MYH7B: variants seen among roughly 807,000 people sequenced by gnomAD.
MYH7B encodes myosin heavy chain 7B.
A neutral mutation model predicts 234.5 loss-of-function variants in MYH7B; 205 were observed. The ratio of observed to expected loss-of-function variants is 0.87; its 90% CI spans 0.78 to 0.98. The LOEUF (loss-of-function observed/expected upper bound fraction) is 0.98, where lower values mean the gene tolerates loss of function less well. Among genes scored for constraint, MYH7B ranks in the 50% least tolerant of loss-of-function variants. MYH7B has a pLI of 0.00. For missense variants in MYH7B, 2,652 were observed against 2,633.4 expected (o/e 1.01, Z -0.15); for synonymous variants, 1,193 against 1,105.0 (o/e 1.08, Z -1.58).
chr20:34,972,403 C>T (rs1011344760), intron 2 of MYH7B, among the ~76,000 whole-genome samples: 4 of 152,042 alleles, frequency 2.6e-5, no homozygotes, highest in Non-Finnish European at 5.9e-5. Context: ...CTGGTCTCAC[C>T]TTCAGTATCG....
intron 2 of MYH7B, among the ~76,000 whole-genome samples, chr20:34,970,607 T>C (rs1032942092): frequency 2.6e-5 from 4 of 152,112 alleles, no homozygotes; most frequent in African/African-American, 9.7e-5. Flanking sequence ...TTGGAAACAA[T>C]TGAAGGACAA....
At chr20:34,999,577 T>C in exon 37 of MYH7B, 1 of 1,606,328 alleles carries the variant, frequency 6.2e-7, no homozygotes, top group Non-Finnish European at 8.5e-7. Context: ...GCAGAGGAGA[T>C]CAGCGACCTC....
rs576855322 is a variant in MYH7B at position 34,982,340 on chromosome 20, T to TG, written c.528-114dup. ...ACACCTCTGAGGGTTGATCCATCCT[T>TG]GGGGGTTTCAAGCTGGGGGGAAGGA... is the stretch of plus-strand genomic sequence containing the variant. On this transcript the variant is annotated intron_variant, in intron 9 of 44. Transcript: ENST00000262873. 137 of 786,874 alleles carry TG rather than the reference T, an allele frequency of 1.7e-4. No homozygotes were observed. In the Middle Eastern group the frequency reaches 2.1e-3, roughly 12 times the overall value. The allele number at this position is 786,874 out of a possible 1,614,324, so 48.7% of individuals were successfully genotyped here. A position where few individuals can be genotyped will look rare whatever the true frequency, so the allele number is the denominator to read the frequency against.
In MYH7B at chr20:34,977,973, C is replaced by T; in HGVS notation, c.-33C>T. ...GGCCGCCTTGAACCTCCAGGGTTTCCAGCTCCTCCTCCTTCACCCCAGTGC... is the reference window on the plus strand; with the variant it reads ...GGCCGCCTTGAACCTCCAGGGTTTCTAGCTCCTCCTCCTTCACCCCAGTGC... On this transcript the variant is annotated 5_prime_UTR_variant, in exon 5 of 45. It introduces an in-frame stop codon into an upstream open reading frame of the 5' UTR. Coordinates refer to ENST00000262873, the Ensembl canonical transcript of MYH7B. 1.2e-6 allele frequency: 2 copies of T among 1,614,034 alleles called. No individual in the cohort carries two copies. The highest frequency in any genetic ancestry group is 1.7e-6 in the Non-Finnish European group (2 of 1,180,026).
chr20:34,959,991 C>T (rs769984285), intron 2 of MYH7B, among the ~76,000 whole-genome samples: 28 of 152,164 alleles, frequency 1.8e-4, no homozygotes, highest in Admixed American at 9.2e-4. Context: ...ATCACAGCAG[C>T]AGTGTCAGCC....
intron 30 of MYH7B, 142 bp downstream of exon 30, chr20:34,996,900 G>A: frequency 4.5e-6 from 6 of 1,346,566 alleles, no homozygotes; most frequent in Non-Finnish European, 6.0e-6. Flanking sequence ...CAGGGGTAGT[G>A]TCTTGCCCTC....
At chr20:34,964,815 G>T (rs1328659596) in intron 2 of MYH7B, among the ~76,000 whole-genome samples, 1 of 152,136 alleles carries the variant, frequency 6.6e-6, no homozygotes, top group Admixed American at 6.5e-5. Context: ...GGTCACAGTG[G>T]CCTAAGTGAC....
At chr20:34,969,392 C>T (rs948108617) in intron 2 of MYH7B, among the ~76,000 whole-genome samples, 1 of 152,168 alleles carries the variant, frequency 6.6e-6, no homozygotes, top group Non-Finnish European at 1.5e-5. Flanking sequence ...GCCTCCCTTC[C>T]CTGGCCCCCA....
Position 34,984,565 on chromosome 20 carries a change from A to G in MYH7B, c.625-127A>G, listed in dbSNP as rs887014260. 7.6e-6 allele frequency: 6 copies of G among 794,132 alleles called. No individual in the cohort carries two copies. In the African/African-American group the frequency reaches 1.1e-4, roughly 14 times the overall value. The allele number at this position is 794,132 out of a possible 1,614,324, so 49.2% of individuals were successfully genotyped here. ...GGCCGAGGGGCTGAGGGTGGGGGCC[A>G]TGCATTCCGGTGACTAACTCCACCC... is the stretch of plus-strand genomic sequence containing the variant. On this transcript the variant is annotated intron_variant, in intron 10 of 44. Coordinates refer to ENST00000262873, the Ensembl canonical transcript of MYH7B.
At chr20:34,994,843 C>G (rs142479882) in intron 27 of MYH7B, among the ~76,000 whole-genome samples, 1 of 152,258 alleles carries the variant, frequency 6.6e-6, no homozygotes, top group Non-Finnish European at 1.5e-5. Context: ...GTGCCAGGCT[C>G]AGGCTAGTGC....
chr20:34,995,749 C>T (rs968162597), intron 28 of MYH7B, among the ~76,000 whole-genome samples, 171 bp downstream of exon 28: 9 of 152,254 alleles, frequency 5.9e-5, no homozygotes, highest in Admixed American at 1.3e-4. Context: ...GTTAGCAGCA[C>T]TTACCCCATT....
rs202185799 is a variant in MYH7B, at chr20:35,000,391, G to A, written c.4880G>A (p.Gly1627Asp). The change falls in exon 39 of 45, where the codon GGT (glycine) becomes GAT (aspartate). Residue 1627 changes from glycine to aspartate, a missense_variant. By Grantham distance (94) the Gly-to-Asp change is moderately conservative. This residue lies in a region of MYH7B where 2,279 missense variants were observed against 2,211.4 expected (regional missense o/e 1.03). Transcript: ENST00000262873. ...CTGCGGCTCAAGAAGAAGATGGAGG[G>A]TGACCTCAACGACCTGGAGCTGCAG... The A allele has an allele frequency of 3.1e-6, 5 of 1,599,884 alleles. No individual in the cohort carries two copies. In the African/African-American group the frequency reaches 4.0e-5, roughly 13 times the overall value.
intron 22 of MYH7B, 150 bp from the exon 23 acceptor site, chr20:34,990,588 C>T: frequency 3.9e-6 from 3 of 778,180 alleles, no homozygotes; most frequent in South Asian, 1.5e-5. Flanking sequence ...TGGGAGACAG[C>T]GAAGGGTCTC....
At chr20:34,977,052 C>T (rs1448525507) in intron 3 of MYH7B, among the ~76,000 whole-genome samples, 9 of 2,078 alleles carry the variant, frequency 4.3e-3, no homozygotes, top group Non-Finnish European at 7.2e-3. Flanking sequence ...TCTCCCCCTA[C>T]CCCTCCCCCC....
chr20:34,957,901 T>A (rs368027479), intron 1 of MYH7B, among the ~76,000 whole-genome samples, 197 bp from the exon 2 acceptor site: 2 of 152,176 alleles, frequency 1.3e-5, no homozygotes, highest in East Asian at 3.8e-4. Context: ...CAGATAGGTG[T>A]CTGGTTATTC....
chr20:35,000,043 G>A (rs540736783), intron 38 of MYH7B, 137 bp downstream of exon 38: 47 of 955,282 alleles, frequency 4.9e-5, no homozygotes, highest in South Asian at 2.2e-4. Flanking sequence ...TGTGAACCTC[G>A]GAGATGCTAA....
rs747181381 is a variant in MYH7B, at chr20:34,980,651, C to T, written c.416C>T (p.Ala139Val). Residue 139 changes from alanine (A) to valine (V), a missense_variant, in exon 8 of 45, where the codon GCT becomes GTT. Physicochemically the swap from Ala to Val is moderately conservative, Grantham distance 64. Around this residue, in one of 3 missense-constraint regions of MYH7B, gnomAD observed 366 missense variants for 401.2 expected, o/e 0.91. Coordinates refer to ENST00000262873, the Ensembl canonical transcript of MYH7B. ...CCAGTCTATACGGCCTCCGTAGTGG[C>T]TGCTTACAAGGGAAAGCGCCGCTCA... The T allele has an allele frequency of 1.2e-6, 2 of 1,614,234 alleles. No homozygotes were observed. Among genetic ancestry groups the T allele is most frequent in the African/African-American group, 2.7e-5 (2 of 75,070 alleles).
chr20:34,984,713 G>T (rs780071337), exon 11 of MYH7B: 1 of 1,605,342 alleles, frequency 6.2e-7, no homozygotes, highest in Non-Finnish European at 8.5e-7. Flanking sequence ...AACAAAGACG[G>T]GGGTGAGTAT....
chr20:34,971,393 C>T (rs369614550), intron 2 of MYH7B, among the ~76,000 whole-genome samples: 36 of 151,910 alleles, frequency 2.4e-4, no homozygotes, highest in Non-Finnish European at 4.6e-4. Context: ...TGGTTCCCCA[C>T]CCCCTCCCCC....
Sources: allele counts gnomAD v4.1 joint callset (sites outside exome capture counted in the v4.1 genomes callset), GRCh38; gene constraint gnomAD v4.1.1; regional missense constraint gnomAD v4.1.1; transcripts MANE v1.5; gene names NCBI Gene and HGNC (gene_info 2026-07-23, HGNC 2026-07-21).